The following GRIP1 variants were observed in gnomAD, a reference collection of about 807,000 sequenced individuals.
GRIP1 encodes glutamate receptor-interacting protein 1.
In GRIP1, 45 loss-of-function variants were observed where a neutral mutation model predicts 129.9. The ratio of observed to expected loss-of-function variants is 0.35; its 90% CI spans 0.27 to 0.44. GRIP1 has a LOEUF of 0.44. GRIP1 is among the 20% of genes least tolerant of loss of function. The probability of loss-of-function intolerance (pLI) is 1.00; values close to 1 mark genes in which losing one functional copy is unlikely to be tolerated. For missense variants in GRIP1, 1,196 were observed against 1,396.8 expected, an observed-to-expected ratio of 0.86 and a Z score of 2.29; for synonymous variants, 530 against 520.8, an observed-to-expected ratio of 1.02 and a Z score of -0.24.
intron 1 of GRIP1, among the ~76,000 whole-genome samples, chr12:66,795,260 G>A (rs906927423): frequency 9.9e-5 from 15 of 152,174 alleles, no homozygotes; most frequent in Non-Finnish European, 1.3e-4. Flanking sequence ...CACTGTTGGC[G>A]TCACATTCCA....
chr12:66,620,568 G>A (rs11176329), intron 1 of GRIP1, among the ~76,000 whole-genome samples: 3,221 of 152,222 alleles, frequency 0.021, 117 homozygotes, highest in African/African-American at 0.073. Flanking sequence ...AATAAACATG[G>A]CTAAGAAGCT....
At chr12:66,865,537 G>C (rs17780274) in intron 1 of GRIP1, among the ~76,000 whole-genome samples, 43,391 of 149,850 alleles carry the variant, frequency 0.29, 7,170 homozygotes, top group Non-Finnish European at 0.37. Flanking sequence ...CCAAAATTTT[G>C]ACACATACTG....
At chr12:66,995,370 C>G (rs1049359339) in intron 1 of GRIP1, among the ~76,000 whole-genome samples, 3 of 151,988 alleles carry the variant, frequency 2.0e-5, no homozygotes, top group African/African-American at 7.2e-5. Flanking sequence ...AAATTTAAAA[C>G]TTATTCTTCA....
intron 1 of GRIP1, among the ~76,000 whole-genome samples, chr12:67,000,521 G>A (rs1472819226): frequency 6.6e-6 from 1 of 152,128 alleles, no homozygotes; most frequent in Non-Finnish European, 1.5e-5. Context: ...ATTAATTATG[G>A]AGAGGCAATT....
chr12:66,803,399 T>G (rs758112980), intron 1 of GRIP1, among the ~76,000 whole-genome samples: 8 of 152,170 alleles, frequency 5.3e-5, no homozygotes, highest in Non-Finnish European at 1.2e-4. Flanking sequence ...ACCAGAAACT[T>G]AAAGCGCTGA....
Position 66,611,316 on chromosome 12 carries a change from G to C in GRIP1, c.56-14389C>G, listed in dbSNP as rs149129134. 2.6e-3 allele frequency among the ~76,000 whole-genome samples: 390 copies of C among 152,072 alleles called. 1 individual carries two copies. The highest frequency in any genetic ancestry group is 8.8e-3 in the African/African-American group (366 of 41,516). On this transcript the variant is annotated intron_variant, in intron 1 of 24. Coordinates refer to ENST00000359742, the MANE Select transcript of GRIP1 (RefSeq NM_001366722.1). ...AGAGACATTAGCTAAAAATCTACTA[G>C]GTCAAAAAATTCTTTTTGTTAGACT... is the stretch of plus-strand genomic sequence containing the variant.
At chr12:67,064,573 T>G (rs1384641353) in intron 1 of GRIP1, among the ~76,000 whole-genome samples, 1 of 152,174 alleles carries the variant, frequency 6.6e-6, no homozygotes, top group Non-Finnish European at 1.5e-5. Flanking sequence ...TTCTTTGCTT[T>G]CTTCTCTTTT....
chr12:67,059,088 T>C (rs1446699700), intron 1 of GRIP1, among the ~76,000 whole-genome samples: 2 of 152,294 alleles, frequency 1.3e-5, no homozygotes, highest in East Asian at 3.9e-4. Context: ...ACATTCAACA[T>C]GGCATTGGAC....
chr12:66,725,393 A>G (rs1001872612), intron 1 of GRIP1, among the ~76,000 whole-genome samples: 1 of 152,196 alleles, frequency 6.6e-6, no homozygotes, highest in Non-Finnish European at 1.5e-5. Flanking sequence ...AATTTTAAGA[A>G]TACATCATCT....
At chr12:66,646,389 C>A (rs553444554) in intron 1 of GRIP1, among the ~76,000 whole-genome samples, 1 of 152,224 alleles carries the variant, frequency 6.6e-6, no homozygotes, top group East Asian at 1.9e-4. Context: ...CTGGAGAGGC[C>A]AAGGCAGGTG....
intron 23 of GRIP1, among the ~76,000 whole-genome samples, chr12:66,359,975 T>A (rs550799965): frequency 6.6e-6 from 1 of 152,316 alleles, no homozygotes; most frequent in South Asian, 2.1e-4. Flanking sequence ...TGGAAATGAA[T>A]CTTTTATCCA....
chr12:66,593,277 G>T (rs1319586010), intron 2 of GRIP1, among the ~76,000 whole-genome samples: 2 of 152,130 alleles, frequency 1.3e-5, no homozygotes, highest in African/African-American at 2.4e-5. Flanking sequence ...AAAGGAGGGT[G>T]ATAAAAGGAT....
chr12:66,736,868 G>T (rs1359593596), intron 1 of GRIP1, among the ~76,000 whole-genome samples: 1 of 151,492 alleles, frequency 6.6e-6, no homozygotes, highest in Non-Finnish European at 1.5e-5. Flanking sequence ...AAAGTAGTCT[G>T]CAAATTGAAT....
intron 7 of GRIP1, among the ~76,000 whole-genome samples, chr12:66,493,455 G>A (rs1049374560): frequency 6.6e-6 from 1 of 152,160 alleles, no homozygotes; most frequent in Admixed American, 6.5e-5. Context: ...AGTGAGATAG[G>A]TCTTCTATAG....
rs544238053 is a variant in GRIP1, at chr12:66,855,433, C to T, written c.58+213617G>A. On this transcript the variant is annotated intron_variant, in intron 1 of 1. Coordinates refer to the GRIP1 transcript ENST00000643019. ...GAAAACTTAGGGTCATGAAAAGGAA[C>T]GACAAGTACACTTTCACGGAGTGTG... is the stretch of plus-strand genomic sequence containing the variant. Among the ~76,000 whole-genome samples the T allele has an allele frequency of 7.3e-4, 111 of 152,052 alleles. 2 individuals are homozygous for T. Among genetic ancestry groups the T allele is most frequent in the African/African-American group, 1.3e-3 (55 of 41,518 alleles).
chr12:66,937,774 A>T (rs2041510985), intron 1 of GRIP1, among the ~76,000 whole-genome samples: 1 of 152,194 alleles, frequency 6.6e-6, no homozygotes, highest in Non-Finnish European at 1.5e-5. Flanking sequence ...GATAGCAGAG[A>T]AAGGGGCAGT....
At chr12:67,020,456 G>A (rs150796282) in intron 1 of GRIP1, among the ~76,000 whole-genome samples, 3 of 152,280 alleles carry the variant, frequency 2.0e-5, no homozygotes, top group African/African-American at 4.8e-5. Flanking sequence ...TGCCCAGGCT[G>A]GAGTGCAGTG....
intron 1 of GRIP1, among the ~76,000 whole-genome samples, chr12:66,636,715 C>CTGTGTGTGTGTGTG (rs113361426): frequency 5.3e-4 from 77 of 145,208 alleles, no homozygotes; most frequent in Middle Eastern, 3.5e-3. Flanking sequence ...CATTAGATCT[C>CTGTGTGTGTGTGTG]TGTGTGTGTG....
At chr12:66,919,307 T>A (rs563423732) in intron 1 of GRIP1, among the ~76,000 whole-genome samples, 2 of 152,256 alleles carry the variant, frequency 1.3e-5, no homozygotes, top group African/African-American at 4.8e-5. Flanking sequence ...ACTGGCAGTT[T>A]GCTTGGTGAG....
Sources: allele counts gnomAD v4.1 joint callset (sites outside exome capture counted in the v4.1 genomes callset), GRCh38; gene constraint gnomAD v4.1.1; transcripts MANE v1.5; gene names NCBI Gene and HGNC (gene_info 2026-07-23, HGNC 2026-07-21).